OLA1: variants seen among roughly 807,000 people sequenced by gnomAD.
OLA1 encodes Obg like ATPase 1, also known as obg-like ATPase 1.
In OLA1, 14 loss-of-function variants were observed where a neutral mutation model predicts 48.4. That is an observed-to-expected ratio of 0.29 (90% CI 0.19 to 0.45). OLA1 has a LOEUF of 0.45. OLA1 is among the 20% of genes least tolerant of loss of function. OLA1 has a pLI of 1.00. For synonymous variants in OLA1, 127 were observed against 150.4 expected (o/e 0.84, Z 1.14); for missense variants, 325 against 467.1 (o/e 0.70, Z 2.80).
At chr2:174,215,020 A>C (rs1688331717) in intron 4 of OLA1, among the ~76,000 whole-genome samples, 1 of 151,886 alleles carries the variant, frequency 6.6e-6, no homozygotes, top group Non-Finnish European at 1.5e-5. Flanking sequence ...ATTACACTCC[A>C]GCCTGGGCGA....
At chr2:174,161,098 C>T (rs1687001104) in intron 4 of OLA1, among the ~76,000 whole-genome samples, 1 of 152,130 alleles carries the variant, frequency 6.6e-6, no homozygotes, top group Non-Finnish European at 1.5e-5. Flanking sequence ...TAGTGCAGTT[C>T]ATTTTTTAAA....
At chr2:174,085,387 C>A (rs938505537) in intron 7 of OLA1, among the ~76,000 whole-genome samples, 1 of 152,156 alleles carries the variant, frequency 6.6e-6, no homozygotes, top group African/African-American at 2.4e-5. Context: ...CACAGAAGCC[C>A]AAACCCTATT....
In OLA1 at chr2:174,126,123, T is replaced by C. The variant is rs373081423; in HGVS notation, c.550-2448A>G. ...AATGTGCTCTTTTTCTTACATAAAG[T>C]AAAAATTCTAATTTTAGCAAAAAAT... On this transcript the variant is annotated intron_variant, in intron 5 of 10. Coordinates refer to ENST00000284719, the MANE Select transcript of OLA1 (RefSeq NM_013341.5). Among the ~76,000 whole-genome samples, 12 of 152,206 alleles carry C rather than the reference T, an allele frequency of 7.9e-5. No homozygotes were observed. In the East Asian group the frequency reaches 1.2e-3, roughly 15 times the overall value.
chr2:174,234,458 C>A (rs1182536511), intron 2 of OLA1, among the ~76,000 whole-genome samples: 1 of 152,010 alleles, frequency 6.6e-6, no homozygotes, highest in African/African-American at 2.4e-5. Flanking sequence ...ACTGTAATTT[C>A]TTTTTTAACT....
intron 4 of OLA1, among the ~76,000 whole-genome samples, chr2:174,174,692 C>A (rs1687383572): frequency 6.6e-6 from 1 of 151,954 alleles, no homozygotes; most frequent in Admixed American, 6.6e-5. Context: ...TAATCGCCTT[C>A]ATGGATTGGT....
chr2:174,075,576 T>C, intron 10 of OLA1, 49 bp from the exon 11 acceptor site: 1 of 1,099,992 alleles, frequency 9.1e-7, no homozygotes, highest in Non-Finnish European at 1.4e-6. Flanking sequence ...TACAACTAAA[T>C]ACATGGGGTA....
At chr2:174,238,639 C>A (rs1453747352) in intron 2 of OLA1, among the ~76,000 whole-genome samples, 1 of 152,056 alleles carries the variant, frequency 6.6e-6, no homozygotes, top group Admixed American at 6.6e-5. Flanking sequence ...AATGGTGCAG[C>A]CACTTTGGAA....
At chr2:174,162,944 C>A (rs949815467) in intron 4 of OLA1, among the ~76,000 whole-genome samples, 4 of 152,124 alleles carry the variant, frequency 2.6e-5, no homozygotes, top group African/African-American at 9.7e-5. Flanking sequence ...ACTCAGGAGG[C>A]TGAGGTGGAG....
At chr2:174,138,361 G>A (rs1686359498) in intron 5 of OLA1, among the ~76,000 whole-genome samples, 1 of 152,236 alleles carries the variant, frequency 6.6e-6, no homozygotes, top group Non-Finnish European at 1.5e-5. Flanking sequence ...GAAATGGCCA[G>A]TAGGTGGAGC....
At chr2:174,241,448 G>A (rs1689000349) in intron 2 of OLA1, among the ~76,000 whole-genome samples, 1 of 152,026 alleles carries the variant, frequency 6.6e-6, no homozygotes, top group African/African-American at 2.4e-5. Context: ...AATGGTAAAT[G>A]GCTTTCACAG....
chr2:174,116,042 A>C, intron 7 of OLA1, among the ~76,000 whole-genome samples: 1 of 152,214 alleles, frequency 6.6e-6, no homozygotes, highest in East Asian at 1.9e-4. Flanking sequence ...CTCCTCAATG[A>C]GCTCACAGTC....
chr2:174,119,551 GTAATTTTTA>G (rs1449770901), intron 7 of OLA1, among the ~76,000 whole-genome samples: 1 of 152,050 alleles, frequency 6.6e-6, no homozygotes, highest in African/African-American at 2.4e-5. Flanking sequence ...TATAGTAGCT[GTAATTTTTA>G]TAGGCAGCTC....
At position 174,211,336 on chromosome 2, in the gene OLA1, C is replaced by T. The variant is rs376148967; in HGVS notation, c.373+11697G>A. Among the ~76,000 whole-genome samples, 17 of 152,296 alleles carry T rather than the reference C, an allele frequency of 1.1e-4. No homozygotes were observed. In the East Asian group the frequency reaches 3.1e-3, roughly 28 times the overall value. On this transcript the variant is annotated intron_variant, in intron 4 of 10. Coordinates refer to ENST00000284719, the MANE Select transcript of OLA1 (RefSeq NM_013341.5). The stretch of plus-strand genomic sequence containing the variant: ...GTAAGTTCTCTAACAACAGAACCCA[C>T]TAAGTTCATTATCTGAGGGTAAACC...
Position 174,075,262 on chromosome 2 carries a change from G to T in OLA1, c.*164C>A, listed in dbSNP as rs547488154. ...GTGAACCTGCATTTCATGGGGGGGG[G>T]GGGGTACACAGTATTTTAATTTTAA... On this transcript the variant is annotated 3_prime_UTR_variant, in exon 11 of 11. Coordinates refer to ENST00000284719, the MANE Select transcript of OLA1 (RefSeq NM_013341.5). The T allele has an allele frequency of 1.9e-4, 99 of 518,714 alleles. 3 individuals carry two copies. The highest frequency in any genetic ancestry group is 1.5e-3 in the African/African-American group (74 of 48,992). 32.1% of individuals were successfully genotyped at this position (518,714 alleles called of 1,614,324 possible). A position where few individuals can be genotyped will look rare whatever the true frequency, so the allele number is the denominator to read the frequency against.
At chr2:174,144,951 A>AATATATATATATATAT (rs71021672) in intron 4 of OLA1, among the ~76,000 whole-genome samples, 40 of 40,284 alleles carry the variant, frequency 9.9e-4, no homozygotes, top group South Asian at 8.6e-3. Context: ...AAAAAAAAAA[A>AATATATATATATATAT]ATATATATAT....
chr2:174,208,104 A>C (rs941787071), intron 4 of OLA1, among the ~76,000 whole-genome samples: 1 of 152,176 alleles, frequency 6.6e-6, no homozygotes, highest in African/African-American at 2.4e-5. Context: ...CCACGACTTT[A>C]TAAATACAGC....
At chr2:174,184,543 G>A (rs1410887501) in intron 4 of OLA1, among the ~76,000 whole-genome samples, 2 of 152,322 alleles carry the variant, frequency 1.3e-5, no homozygotes, top group East Asian at 3.9e-4. Context: ...AATGTAATGT[G>A]ATATCCTGGA....
chr2:174,248,264 C>T (rs1317483058), intron 1 of OLA1, 188 bp downstream of exon 1: 1 of 154,142 alleles, frequency 6.5e-6, no homozygotes, highest in Non-Finnish European at 1.4e-5. Context: ...CCGCGTGAGG[C>T]GTAGGCCGAT....
At chr2:174,170,513 C>A (rs1004717999) in intron 4 of OLA1, among the ~76,000 whole-genome samples, 3 of 152,154 alleles carry the variant, frequency 2.0e-5, no homozygotes, top group South Asian at 2.1e-4. Context: ...GTCCATTAGA[C>A]AATGAAATAA....
Sources: allele counts gnomAD v4.1 joint callset (sites outside exome capture counted in the v4.1 genomes callset), GRCh38; gene constraint gnomAD v4.1.1; transcripts MANE v1.5; gene names NCBI Gene and HGNC (gene_info 2026-07-23, HGNC 2026-07-21).